Variants in PPARD observed in about 807,000 individuals in gnomAD.
The protein encoded by PPARD is peroxisome proliferator-activated receptor delta.
PPARD carries 6 observed loss-of-function variants against 39.5 expected under a neutral mutation model. That is an observed-to-expected ratio of 0.15 (90% CI 0.08 to 0.30). The LOEUF is 0.30. PPARD is among the 10% of genes least tolerant of loss of function. The pLI, the probability that PPARD is intolerant of heterozygous loss-of-function variation, is 1.00. For synonymous variants in PPARD, 210 were observed against 231.3 expected (o/e 0.91, Z 0.83); for missense variants, 397 against 596.8 (o/e 0.67, Z 3.49).
chr6:35,407,455 C>T (rs1374620234), intron 2 of PPARD, among the ~76,000 whole-genome samples: 3 of 151,950 alleles, frequency 2.0e-5, no homozygotes, highest in Non-Finnish European at 2.9e-5. Context: ...CTCCCGTGGC[C>T]CCTTCTCACC....
chr6:35,406,388 C>T (rs1233558928), intron 2 of PPARD, among the ~76,000 whole-genome samples: 2 of 152,146 alleles, frequency 1.3e-5, no homozygotes, highest in Non-Finnish European at 2.9e-5. Flanking sequence ...TTGCTCCTGG[C>T]TGGGCAAGCT....
intron 1 of PPARD, among the ~76,000 whole-genome samples, chr6:35,344,535 A>G (rs1792054464): frequency 2.6e-5 from 4 of 152,008 alleles, no homozygotes; most frequent in Non-Finnish European, 5.9e-5. Context: ...TTGGTTCTCT[A>G]AAGAAGTATT....
rs536511132 is a variant in PPARD, at chr6:35,400,969, T to G, written c.-101-10018T>G. Among the ~76,000 whole-genome samples the G allele has an allele frequency of 2.2e-4, 34 of 152,202 alleles. No individual in the cohort carries two copies. The South Asian group carries it at 6.2e-3, about 28-fold the overall frequency. On this transcript the variant is annotated intron_variant, in intron 2 of 7. Coordinates refer to ENST00000360694, the MANE Select transcript of PPARD (RefSeq NM_006238.5). ...TCAAGCCTGGGAATGTGGCTGTTAG[T>G]ATCGATTGGCCTCATGCCAAGCAGT... is the stretch of plus-strand genomic sequence containing the variant.
At chr6:35,407,096 G>A (rs1036083420) in intron 2 of PPARD, among the ~76,000 whole-genome samples, 10 of 152,138 alleles carry the variant, frequency 6.6e-5, no homozygotes, top group African/African-American at 2.2e-4. Context: ...GTCCTGACAG[G>A]GAGCTCCATC....
chr6:35,381,453 A>G (rs1763151139), intron 2 of PPARD, among the ~76,000 whole-genome samples: 1 of 152,202 alleles, frequency 6.6e-6, no homozygotes, highest in African/African-American at 2.4e-5. Context: ...TATTGTGAAA[A>G]GAAATCTAGG....
intron 2 of PPARD, among the ~76,000 whole-genome samples, chr6:35,399,289 A>C (rs773520897): frequency 6.7e-6 from 1 of 148,768 alleles, no homozygotes; most frequent in Non-Finnish European, 1.5e-5. Flanking sequence ...AATCCCAGCT[A>C]CTCTGGAGGC....
chr6:35,411,132 G>C lies in PPARD; in HGVS notation c.45G>C (p.Glu15Asp). Reference sequence around the variant, plus strand: ...AAGCCCCTGAGGTCCGGGAAGAGGAGGAGAAAGAGGAAGTGGCAGAGGCAG... The same window carrying C: ...AAGCCCCTGAGGTCCGGGAAGAGGACGAGAAAGAGGAAGTGGCAGAGGCAG... ...QEEAPEVREE[E>D]EKEEVAEAEG... Residue 15 changes from glutamate to aspartate, a missense_variant, in exon 3 of 8, where the codon GAG (glutamate) becomes GAC (aspartate). By Grantham distance (45) the Glu-to-Asp change is conservative. Transcript: ENST00000360694. 6.3e-7 allele frequency: 1 copy of C among 1,588,462 alleles called. No individual in the cohort carries two copies. The highest frequency in any genetic ancestry group is 8.6e-7 in the Non-Finnish European group (1 of 1,166,376).
At chr6:35,395,697 G>C (rs997962280) in intron 2 of PPARD, among the ~76,000 whole-genome samples, 1 of 152,174 alleles carries the variant, frequency 6.6e-6, no homozygotes, top group Admixed American at 6.5e-5. Context: ...GAGTCTAATT[G>C]GTCAGGATAC....
At chr6:35,409,949 G>A (rs1314771750) in intron 2 of PPARD, among the ~76,000 whole-genome samples, 1 of 152,214 alleles carries the variant, frequency 6.6e-6, no homozygotes, top group Non-Finnish European at 1.5e-5. Flanking sequence ...TGACTACAGT[G>A]TACAGCCGAG....
chr6:35,401,769 C>T lies in PPARD; in HGVS notation c.-101-9218C>T, dbSNP rs1374757795. On this transcript the variant is annotated intron_variant, in intron 2 of 7. Coordinates refer to ENST00000360694, the MANE Select transcript of PPARD (RefSeq NM_006238.5). This position sits in a 1 kb window ranked among gnomAD's most constrained non-coding sequence, Gnocchi z 4.1. The stretch of plus-strand genomic sequence containing the variant: ...CCTGGTCATTGCTGGCTAATGTAGC[C>T]TGGCACATGGTGGTAGGTACTTGAC... 6.6e-6 allele frequency among the ~76,000 whole-genome samples: 1 copy of T among 152,214 alleles called. No individual in the cohort carries two copies. The highest frequency in any genetic ancestry group is 1.5e-5 in the Non-Finnish European group (1 of 68,032).
At chr6:35,343,907 AAG>A (rs1792014918) in intron 1 of PPARD, among the ~76,000 whole-genome samples, 2 of 152,170 alleles carry the variant, frequency 1.3e-5, no homozygotes, top group Admixed American at 1.3e-4. Context: ...CGAAAGGACT[AAG>A]AGAATTCTCC....
Position 35,424,861 on chromosome 6 carries a change from T to C in PPARD, c.1078+82T>C. 6.5e-7 allele frequency: 1 copy of C among 1,537,540 alleles called. No individual in the cohort carries two copies. The highest frequency in any genetic ancestry group is 1.2e-5 in the South Asian group (1 of 80,148). ...GGCCCTCACTGCAGGGCACTGTGCCTGAGCTCTGACAGTGTGGGGAAGTGT... is the reference window on the plus strand; with the variant it reads ...GGCCCTCACTGCAGGGCACTGTGCCCGAGCTCTGACAGTGTGGGGAAGTGT... On this transcript the variant is annotated intron_variant, in intron 7 of 7. Transcript: ENST00000360694. This position sits in a 1 kb window ranked among gnomAD's most constrained non-coding sequence, Gnocchi z 7.1.
At position 35,425,959 on chromosome 6, in the gene PPARD, G is replaced by A; in HGVS notation, c.1206G>A (p.Lys402=). The change falls in exon 8 of 8, where the codon AAG becomes AAA. Residue 402 remains lysine, a synonymous_variant. Coordinates refer to ENST00000360694, the MANE Select transcript of PPARD (RefSeq NM_006238.5). The surrounding 1 kb of genome is among the most constrained non-coding windows in gnomAD (Gnocchi z 4.5). ...AQYLFPKLLQ[K]MADLRQLVTE... is the part of the protein sequence containing the mutation. ...ACCTCTTCCCCAAGCTGCTGCAGAA[G>A]ATGGCTGACCTGCGGCAACTGGTCA... The A allele has an allele frequency of 6.2e-7, 1 of 1,614,196 alleles. No homozygotes were observed. Among genetic ancestry groups the A allele is most frequent in the Non-Finnish European group, 8.5e-7 (1 of 1,180,040 alleles).
chr6:35,347,924 T>G (rs1760978991), intron 2 of PPARD, among the ~76,000 whole-genome samples: 1 of 147,714 alleles, frequency 6.8e-6, no homozygotes, highest in African/African-American at 2.6e-5. Context: ...TTTTTTTTTT[T>G]GAGATGGAGT....
rs149911426 is a variant in PPARD, at chr6:35,390,324, C to A, written c.-101-20663C>A. Among the ~76,000 whole-genome samples, 454 of 152,336 alleles carry A rather than the reference C, an allele frequency of 3.0e-3. 1 individual carries two copies. The highest frequency in any genetic ancestry group is 0.01 in the African/African-American group (420 of 41,574). On this transcript the variant is annotated intron_variant, in intron 2 of 7. Coordinates refer to ENST00000360694, the MANE Select transcript of PPARD (RefSeq NM_006238.5). ...GGCTGTGTTTTACTCCTTTTGTCAT[C>A]TCTCCCCATAGGGGTCTAGGTCAGT...
intron 2 of PPARD, among the ~76,000 whole-genome samples, chr6:35,370,824 C>T (rs1223496070): frequency 2.0e-5 from 3 of 152,118 alleles, no homozygotes; most frequent in Admixed American, 1.3e-4. Flanking sequence ...AAAAAAAGAG[C>T]GGCTAGATGG....
chr6:35,384,073 T>C (rs1763375821), intron 2 of PPARD, among the ~76,000 whole-genome samples: 1 of 141,820 alleles, frequency 7.1e-6, no homozygotes, highest in African/African-American at 2.7e-5. Flanking sequence ...AGCCGCCCCG[T>C]CCGGGAGGGA....
At chr6:35,369,696 C>G (rs1407071820) in intron 2 of PPARD, among the ~76,000 whole-genome samples, 2 of 152,204 alleles carry the variant, frequency 1.3e-5, no homozygotes, top group African/African-American at 4.8e-5. Flanking sequence ...GAGCGGTATT[C>G]ATTCTTATGA....
In PPARD at chr6:35,424,279, C is replaced by A. The variant is rs745661333; in HGVS notation, c.628-50C>A. ...GTGCAGGCAAGGGACATGGGGAGCACAGGGTGGGGGTCTCCCGAGGCCTGA... is the reference window on the plus strand; with the variant it reads ...GTGCAGGCAAGGGACATGGGGAGCAAAGGGTGGGGGTCTCCCGAGGCCTGA... On this transcript the variant is annotated intron_variant, in intron 6 of 7. Coordinates refer to ENST00000360694, the MANE Select transcript of PPARD (RefSeq NM_006238.5). The surrounding 1 kb of genome is among the most constrained non-coding windows in gnomAD (Gnocchi z 7.1). 42 of 1,598,936 alleles carry A rather than the reference C, an allele frequency of 2.6e-5. No individual in the cohort carries two copies. The highest frequency in any genetic ancestry group is 3.6e-5 in the Non-Finnish European group (42 of 1,170,570).
Sources: gnomAD v4.1 joint callset for allele counts (sites outside exome capture counted in the v4.1 genomes callset) on GRCh38, gnomAD v4.1.1 for gene constraint, Gnocchi (gnomAD v3.1) non-coding constraint, MANE v1.5 for transcripts, NCBI Gene and HGNC (gene_info 2026-07-23, HGNC 2026-07-21) for gene names.